DLGAP1: variants seen among roughly 807,000 people sequenced by gnomAD.
DLGAP1 encodes the protein DLG associated protein 1, also known as disks large-associated protein 1.
A neutral mutation model predicts 90.8 loss-of-function variants in DLGAP1; 11 were observed. The ratio of observed to expected loss-of-function variants is 0.12; its 90% CI spans 0.08 to 0.20. The LOEUF (loss-of-function observed/expected upper bound fraction) is 0.20, where lower values mean the gene tolerates loss of function less well. DLGAP1 is among the 10% of genes least tolerant of loss of function. The pLI, the probability that DLGAP1 is intolerant of heterozygous loss-of-function variation, is 1.00. For synonymous variants in DLGAP1, 558 were observed against 540.7 expected (o/e 1.03, Z -0.44); for missense variants, 1,050 against 1,333.8 (o/e 0.79, Z 3.31).
At chr18:3,866,863 T>G (rs900085592) in intron 4 of DLGAP1, among the ~76,000 whole-genome samples, 2 of 152,188 alleles carry the variant, frequency 1.3e-5, no homozygotes, top group African/African-American at 4.8e-5. Flanking sequence ...TTTATATATA[T>G]TTTTTGAGAC....
chr18:3,621,789 C>T (rs928692183), intron 7 of DLGAP1, among the ~76,000 whole-genome samples: 8 of 152,276 alleles, frequency 5.3e-5, no homozygotes, highest in South Asian at 4.1e-4. Flanking sequence ...TCTTTCAACA[C>T]GTCCCTGCAA....
intron 1 of DLGAP1, among the ~76,000 whole-genome samples, chr18:4,193,501 T>C (rs888673560): frequency 2.0e-5 from 3 of 152,100 alleles, no homozygotes; most frequent in Non-Finnish European, 2.9e-5. Flanking sequence ...AAAAAAACAG[T>C]CAAATGCTAG....
chr18:4,321,811 AC>A (rs1208026171), intron 1 of DLGAP1, among the ~76,000 whole-genome samples: 2 of 152,208 alleles, frequency 1.3e-5, no homozygotes, highest in African/African-American at 4.8e-5. Context: ...ACACCTTGAA[AC>A]AATTTTTATA....
At chr18:4,028,400 C>T (rs2074738148) in intron 2 of DLGAP1, among the ~76,000 whole-genome samples, 2 of 152,196 alleles carry the variant, frequency 1.3e-5, no homozygotes, top group Admixed American at 1.3e-4. Flanking sequence ...CTTGCTTGTG[C>T]ATTCAGGTGG....
intron 9 of DLGAP1, among the ~76,000 whole-genome samples, chr18:3,544,217 T>C (rs11081049): frequency 0.45 from 68,588 of 151,602 alleles, 19,279 homozygotes; most frequent in African/African-American, 0.8. Flanking sequence ...TGGCGAAACC[T>C]GTCTCTACTA....
intron 1 of DLGAP1, among the ~76,000 whole-genome samples, chr18:4,249,535 G>C (rs904624385): frequency 6.7e-6 from 1 of 150,366 alleles, no homozygotes. Flanking sequence ...TTACTCTATA[G>C]AAGTACAGTA....
At chr18:4,281,740 A>G (rs1290309590) in intron 1 of DLGAP1, among the ~76,000 whole-genome samples, 3 of 152,184 alleles carry the variant, frequency 2.0e-5, no homozygotes, top group African/African-American at 7.2e-5. Context: ...AGTTAAGCTC[A>G]TTTCTTAATT....
At position 3,523,618 on chromosome 18, in the gene DLGAP1, A is replaced by T. The variant is rs575781293; in HGVS notation, c.2479+10576T>A. ...ATCCCAGCACTTTGGGAGGCCAAGG[A>T]GGGCGGATCACGAGGTCAGGAGATC... On this transcript the variant is annotated intron_variant, in intron 10 of 12. Transcript: ENST00000315677. Among the ~76,000 whole-genome samples the T allele has an allele frequency of 4.2e-3, 639 of 151,536 alleles. 2 individuals carry two copies. Among genetic ancestry groups the T allele is most frequent in the Non-Finnish European group, 7.2e-3 (487 of 67,806 alleles).
chr18:3,611,824 A>T (rs1217634309), intron 7 of DLGAP1, among the ~76,000 whole-genome samples: 3 of 152,226 alleles, frequency 2.0e-5, no homozygotes, highest in Admixed American at 2.0e-4. Context: ...AGCACTAATT[A>T]TTTCCAGCTG....
chr18:3,840,131 TATC>T (rs1215953390), intron 4 of DLGAP1, among the ~76,000 whole-genome samples: 1 of 152,230 alleles, frequency 6.6e-6, no homozygotes, highest in Non-Finnish European at 1.5e-5. Context: ...AACCCTGTAA[TATC>T]ATCTTTTTTA....
chr18:4,014,821 A>G (rs1337818668), intron 2 of DLGAP1, among the ~76,000 whole-genome samples: 1 of 152,136 alleles, frequency 6.6e-6, no homozygotes, highest in Non-Finnish European at 1.5e-5. Flanking sequence ...GACACTGCGG[A>G]AGTATTTTTG....
In DLGAP1 at chr18:3,553,829, G is replaced by A. The variant is rs55928666; in HGVS notation, c.2057+13661C>T. ...ATTACAAGCGTGAGCCACCACGCCC[G>A]GCCCACACATAGTTTTTTAAAAAAT... On this transcript the variant is annotated intron_variant, in intron 9 of 12. Coordinates refer to ENST00000315677, the MANE Select transcript of DLGAP1 (RefSeq NM_004746.4). 9.3e-3 allele frequency among the ~76,000 whole-genome samples: 1,421 copies of A among 152,064 alleles called. 28 individuals carry two copies. Among genetic ancestry groups the A allele is most frequent in the African/African-American group, 0.033 (1,368 of 41,456 alleles).
rs939241117 is a variant in DLGAP1, at chr18:4,350,833, T to C, written c.-267+104173A>G. 6.6e-5 allele frequency among the ~76,000 whole-genome samples: 10 copies of C among 152,312 alleles called. 1 individual carries two copies. The highest frequency in any genetic ancestry group is 5.8e-4 in the East Asian group (3 of 5,192). On this transcript the variant is annotated intron_variant, in intron 1 of 12. Transcript: ENST00000315677. ...ATTACCAATTTTTCAAATAGTAGGTTTGATCTAATTACCAAAACATTATTA... is the reference window on the plus strand; with the variant it reads ...ATTACCAATTTTTCAAATAGTAGGTCTGATCTAATTACCAAAACATTATTA...
chr18:4,211,963 C>CA (rs1280239703), intron 1 of DLGAP1, among the ~76,000 whole-genome samples: 1 of 152,116 alleles, frequency 6.6e-6, no homozygotes, highest in African/African-American at 2.4e-5. Flanking sequence ...TCAGCAGTCC[C>CA]AAGAAACTTT....
chr18:3,921,508 A>C (rs1257417753), intron 3 of DLGAP1, among the ~76,000 whole-genome samples: 2 of 152,222 alleles, frequency 1.3e-5, no homozygotes, highest in African/African-American at 4.8e-5. Flanking sequence ...GAACTAGAGA[A>C]TGTATTAACT....
intron 1 of DLGAP1, among the ~76,000 whole-genome samples, chr18:4,276,847 G>T: frequency 6.6e-6 from 1 of 152,266 alleles, no homozygotes; most frequent in African/African-American, 2.4e-5. Context: ...TTCTGTGTCT[G>T]ACTAGAGTTG....
intron 10 of DLGAP1, among the ~76,000 whole-genome samples, chr18:3,527,676 G>A (rs908001768): frequency 2.0e-5 from 3 of 151,622 alleles, no homozygotes; most frequent in African/African-American, 2.4e-5. Flanking sequence ...CTGTAGCCTC[G>A]ACCTCCTGGG....
At chr18:4,192,539 G>A (rs1050374065) in intron 1 of DLGAP1, among the ~76,000 whole-genome samples, 1 of 152,122 alleles carries the variant, frequency 6.6e-6, no homozygotes, top group Non-Finnish European at 1.5e-5. Flanking sequence ...GCTCCGAAAG[G>A]TATGCCGCCA....
At chr18:4,426,358 T>A (rs1381068906) in intron 1 of DLGAP1, among the ~76,000 whole-genome samples, 2 of 152,346 alleles carry the variant, frequency 1.3e-5, no homozygotes, top group East Asian at 1.9e-4. Context: ...ATGCTCTGAA[T>A]TAAAGTCCAG....
Sources: gnomAD v4.1 joint callset for allele counts (sites outside exome capture counted in the v4.1 genomes callset) on GRCh38, gnomAD v4.1.1 for gene constraint, MANE v1.5 for transcripts, NCBI Gene and HGNC (gene_info 2026-07-23, HGNC 2026-07-21) for gene names.